Variants in IGSF9 observed in about 807,000 individuals in gnomAD.
IGSF9 encodes immunoglobulin superfamily member 9, also known as protein turtle homolog A.
Under a neutral mutation model 121.7 loss-of-function variants are expected in IGSF9, and 87 were observed. That is an observed-to-expected ratio of 0.71 (90% CI 0.60 to 0.85). The LOEUF is 0.85. IGSF9 is among the 40% of genes least tolerant of loss of function. IGSF9 has a pLI of 0.00. For synonymous variants in IGSF9, 640 were observed against 648.4 expected (o/e 0.99, Z 0.20); for missense variants, 1,462 against 1,565.3 (o/e 0.93, Z 1.11).
In IGSF9 at chr1:159,932,460, C is replaced by A; in HGVS notation, c.1245+52G>T. The A allele has an allele frequency of 6.7e-7, 1 of 1,499,746 alleles. No individual in the cohort carries two copies. Among genetic ancestry groups the A allele is most frequent in the Non-Finnish European group, 9.1e-7 (1 of 1,096,264 alleles). The allele number at this position is 1,499,746 out of a possible 1,614,324, so 92.9% of individuals were successfully genotyped here. The stretch of plus-strand genomic sequence containing the variant: ...CATCAGCCTGGCCTTAGCACCATCT[C>A]CAGCCATCTGACCCACTGTCACCAC... On this transcript the variant is annotated intron_variant, in intron 10 of 20. Transcript: ENST00000368094. This position sits in a 1 kb window ranked among gnomAD's most constrained non-coding sequence, Gnocchi z 4.1.
chr1:159,937,598 A>G, intron 4 of IGSF9, 88 bp downstream of exon 4: 2 of 1,415,802 alleles, frequency 1.4e-6, no homozygotes, highest in Non-Finnish European at 2.0e-6. Flanking sequence ...TGGAAATAGA[A>G]CTCCCTCTTC....
At position 159,934,797 on chromosome 1, in the gene IGSF9, G is replaced by A; in HGVS notation, c.699C>T (p.Pro233=). ...VLGPPVIVVP[P]KNSTVNASQD... is the part of the protein sequence containing the mutation. ...GGGAGGCATTGACTGTGCTGTTCTT[G>A]GGGGGCACCACGATGACTGGGGGTC... The change falls in exon 7 of 21, where the codon CCC becomes CCT. Residue 233 remains proline, a synonymous_variant. Coordinates refer to ENST00000368094, the MANE Select transcript of IGSF9 (RefSeq NM_001135050.2). 1 of 1,614,104 alleles carries A rather than the reference G, an allele frequency of 6.2e-7. No homozygotes were observed. The highest frequency in any genetic ancestry group is 8.5e-7 in the Non-Finnish European group (1 of 1,179,990).
At position 159,932,202 on chromosome 1, in the gene IGSF9, C is replaced by T; in HGVS notation, c.1246-274G>A. ...GCAGGACTCTCAGAGATGTACAAAC[C>T]TCTGCAGAACATTCTTCCTCCCAGA... On this transcript the variant is annotated intron_variant, in intron 10 of 20. Coordinates refer to ENST00000368094, the MANE Select transcript of IGSF9 (RefSeq NM_001135050.2). The surrounding 1 kb of genome is among the most constrained non-coding windows in gnomAD (Gnocchi z 4.1). 3.5e-6 allele frequency: 2 copies of T among 572,848 alleles called. No individual in the cohort carries two copies. The highest frequency in any genetic ancestry group is 6.2e-6 in the Non-Finnish European group (2 of 322,818). The allele number at this position is 572,848 out of a possible 1,614,324, so 35.5% of individuals were successfully genotyped here.
chr1:159,943,321 G>A lies in IGSF9; in HGVS notation c.58+76C>T. ...CCTCCCCTGCCCTCACATGCTCAAA[G>A]AGGAACCCTTGAGGAACACCCCCAT... is the stretch of plus-strand genomic sequence containing the variant. On this transcript the variant is annotated intron_variant, in intron 2 of 20. Transcript: ENST00000368094. 2.8e-6 allele frequency: 4 copies of A among 1,424,420 alleles called. No individual in the cohort carries two copies. In the East Asian group the frequency reaches 7.5e-5, roughly 27 times the overall value. 88.2% of individuals were successfully genotyped at this position (1,424,420 alleles called of 1,614,324 possible).
rs1324922424 is a variant in IGSF9 at position 159,928,421 on chromosome 1, C to G, written c.2967G>C (p.Gly989=). 2 of 1,605,542 alleles carry G rather than the reference C, an allele frequency of 1.2e-6. No individual in the cohort carries two copies. Among genetic ancestry groups the G allele is most frequent in the Admixed American group, 3.4e-5 (2 of 58,866 alleles). ...CTGTGTAAGGGGGCTCTGCAGTGGC[C>G]CCAGCCCCTACCACAGCCCCAGGAA... The part of the protein sequence containing the change: ...ESLPGAVVGA[G]ATAEPPYTAL... Residue 989 remains glycine (G), a synonymous_variant, in exon 19 of 21, where the codon GGG becomes GGC. Transcript: ENST00000368094.
At chr1:159,940,915 C>G (rs775633192) in intron 3 of IGSF9, among the ~76,000 whole-genome samples, 4 of 152,210 alleles carry the variant, frequency 2.6e-5, no homozygotes, top group Non-Finnish European at 4.4e-5. Context: ...CTTAGGAAAG[C>G]TGGTGTCCAC....
chr1:159,938,508 C>A (rs892394324), intron 3 of IGSF9, among the ~76,000 whole-genome samples: 2 of 152,206 alleles, frequency 1.3e-5, no homozygotes, highest in Admixed American at 1.3e-4. Flanking sequence ...CAACCAGACA[C>A]CTCAATCCCA....
intron 3 of IGSF9, among the ~76,000 whole-genome samples, chr1:159,938,385 C>A (rs182695569): frequency 6.6e-6 from 1 of 152,268 alleles, no homozygotes; most frequent in East Asian, 1.9e-4. Context: ...AGAGTCCAGC[C>A]CAGCAAGCAG....
At chr1:159,936,595 G>A (rs1028263657) in intron 5 of IGSF9, 79 bp from the exon 6 acceptor site, 27 of 1,540,094 alleles carry the variant, frequency 1.8e-5, no homozygotes, top group South Asian at 2.4e-5. Context: ...GCCAGCAGAG[G>A]GAGGCAGCAC....
Position 159,934,784 on chromosome 1 carries a change from C to A in IGSF9, c.712G>T (p.Val238Phe). 6.2e-7 allele frequency: 1 copy of A among 1,614,206 alleles called. No individual in the cohort carries two copies. The highest frequency in any genetic ancestry group is 1.3e-5 in the African/African-American group (1 of 75,048). ...VIVVPPKNST[V>F]NASQDVSLAC... ...AATGAAACATCCTGGGAGGCATTGA[C>A]TGTGCTGTTCTTGGGGGGCACCACG... Residue 238 changes from valine (V) to phenylalanine (F), a missense_variant, in exon 7 of 21, where the codon GTC becomes TTC. Val to Phe is a conservative substitution (Grantham distance 50). Coordinates refer to ENST00000368094, the MANE Select transcript of IGSF9 (RefSeq NM_001135050.2).
chr1:159,930,137 G>A, intron 15 of IGSF9, 52 bp downstream of exon 15: 1 of 1,559,602 alleles, frequency 6.4e-7, no homozygotes, highest in Non-Finnish European at 8.7e-7. Flanking sequence ...AATGGAGAAG[G>A]ACGCAGGAGA....
intron 14 of IGSF9, 46 bp from the exon 15 acceptor site, chr1:159,930,485 C>A: frequency 1.3e-6 from 2 of 1,517,034 alleles, no homozygotes; most frequent in Non-Finnish European, 8.8e-7. Context: ...TCCCAGCGCC[C>A]CTCCCCTGGC....
Position 159,931,359 on chromosome 1 carries a change from C to A in IGSF9, c.1513+94G>T. 6.3e-7 allele frequency: 1 copy of A among 1,598,224 alleles called. No homozygotes were observed. Among genetic ancestry groups the A allele is most frequent in the Non-Finnish European group, 8.5e-7 (1 of 1,170,048 alleles). On this transcript the variant is annotated intron_variant, in intron 12 of 20. Transcript: ENST00000368094. This position sits in a 1 kb window ranked among gnomAD's most constrained non-coding sequence, Gnocchi z 4.8. ...CACTGACCTTCACCCATCATCATCC[C>A]AGGGGTCCCACACCCATGATCCTCT...
Position 159,934,227 on chromosome 1 carries a change from C to A in IGSF9, c.1067G>T (p.Ser356Ile), listed in dbSNP as rs750571033. 1.9e-6 allele frequency: 3 copies of A among 1,614,022 alleles called. No homozygotes were observed. In the Admixed American group the frequency reaches 5.0e-5, roughly 27 times the overall value. The part of the protein sequence containing the change: ...VRANPPLLFV[S>I]WTKDGKALQL... ...CAGGGCCTTTCCATCCTTGGTCCAG[C>A]TGACAAAGAGCAGTGGGGGGTTGGC... is the stretch of plus-strand genomic sequence containing the variant. The change falls in exon 9 of 21, where the codon AGC (serine) becomes ATC (isoleucine). Residue 356 changes from serine (S) to isoleucine (I), a missense_variant. Transcript: ENST00000368094.
In IGSF9 at chr1:159,929,653, T is replaced by G. The variant is rs1341345292; in HGVS notation, c.2311A>C (p.Lys771Gln). 1 of 1,594,270 alleles carries G rather than the reference T, an allele frequency of 6.3e-7. No homozygotes were observed. Among genetic ancestry groups the G allele is most frequent in the East Asian group, 2.3e-5 (1 of 44,108 alleles). The change falls in exon 17 of 21, where the codon AAG becomes CAG. Residue 771 changes from lysine to glutamine, a missense_variant. By Grantham distance (53) the Lys-to-Gln change is moderately conservative (BLOSUM62 1). Transcript: ENST00000368094. ...AGGGACTTACCTTGGCGGAGGCGCT[T>G]GCGGCGGCGGCGGGCAGCCCTGCGC... ...NRRRAARRRR[K>Q]RLRQDPPLIF... is the part of the protein sequence containing the mutation.
intron 19 of IGSF9, 69 bp from the exon 20 acceptor site, chr1:159,927,956 G>C (rs768477019): frequency 8.4e-5 from 131 of 1,562,652 alleles, no homozygotes; most frequent in Non-Finnish European, 1.1e-4. Context: ...AGAAAAGTCT[G>C]AATTCAGCGA....
chr1:159,927,548 A>C (rs776539858), intron 20 of IGSF9, 22 bp from the exon 21 acceptor site: 3 of 1,604,134 alleles, frequency 1.9e-6, no homozygotes, highest in Non-Finnish European at 2.6e-6. Flanking sequence ...GGGCAGGACA[A>C]TGAGAAGAAG....
chr1:159,928,896 G>A lies in IGSF9; in HGVS notation c.2492C>T (p.Pro831Leu), dbSNP rs772385263. Residue 831 changes from proline to leucine, a missense_variant, in exon 19 of 21, where the codon CCG becomes CTG. By Grantham distance (98) the Pro-to-Leu change is moderately conservative (BLOSUM62 -3). Coordinates refer to ENST00000368094, the MANE Select transcript of IGSF9 (RefSeq NM_001135050.2). ...GDPAGTPSPH[P>L]DPPSSRGPLP... is the part of the protein sequence containing the mutation. ...GGGTCCCCGGCTAGATGGAGGATCC[G>A]GGTGGGGGCTGGGAGTTCCGGCAGG... is the stretch of plus-strand genomic sequence containing the variant. 11 of 1,594,824 alleles carry A rather than the reference G, an allele frequency of 6.9e-6. No individual in the cohort carries two copies. Among genetic ancestry groups the A allele is most frequent in the African/African-American group, 1.3e-5 (1 of 74,150 alleles).
chr1:159,941,953 C>T (rs74850648), intron 3 of IGSF9, among the ~76,000 whole-genome samples: 1,678 of 152,382 alleles, frequency 0.011, 114 homozygotes, highest in Admixed American at 0.095. Flanking sequence ...ACCTCCTCCC[C>T]TCTCTGCTCA....
Sources: gnomAD v4.1 joint callset for allele counts (sites outside exome capture counted in the v4.1 genomes callset) on GRCh38, gnomAD v4.1.1 for gene constraint, Gnocchi (gnomAD v3.1) non-coding constraint, MANE v1.5 for transcripts, NCBI Gene and HGNC (gene_info 2026-07-23, HGNC 2026-07-21) for gene names.